Variants in FGF12 observed in about 807,000 individuals in gnomAD.
FGF12 encodes the protein fibroblast growth factor 12, also known as fibroblast growth factor 12B.
Under a neutral mutation model 23.6 loss-of-function variants are expected in FGF12, and 14 were observed. The ratio of observed to expected loss-of-function variants is 0.59; its 90% CI spans 0.39 to 0.93. The LOEUF (loss-of-function observed/expected upper bound fraction) is 0.93, where lower values mean the gene tolerates loss of function less well. FGF12 is among the 40% of genes least tolerant of loss of function. FGF12 has a pLI of 0.00. For synonymous variants in FGF12, 62 were observed against 77.3 expected (o/e 0.80, Z 1.04); for missense variants, 175 against 217.8 (o/e 0.80, Z 1.24).
chr3:192,317,000 A>T (rs2108678294), intron 4 of FGF12, among the ~76,000 whole-genome samples: 1 of 152,132 alleles, frequency 6.6e-6, no homozygotes, highest in African/African-American at 2.4e-5. Context: ...CCAGAAAGGA[A>T]CCCAATGCCT....
intron 2 of FGF12, among the ~76,000 whole-genome samples, chr3:192,696,339 A>G (rs1718123352): frequency 6.6e-6 from 1 of 152,098 alleles, no homozygotes; most frequent in Non-Finnish European, 1.5e-5. Flanking sequence ...AGCAATTCTT[A>G]TCAGATTCAC....
chr3:192,416,387 G>A (rs181620361), intron 2 of FGF12, among the ~76,000 whole-genome samples: 61 of 152,226 alleles, frequency 4.0e-4, no homozygotes, highest in Middle Eastern at 3.4e-3. Flanking sequence ...AAGCTACTTC[G>A]TCTGCCTGAG....
intron 2 of FGF12, among the ~76,000 whole-genome samples, chr3:192,668,214 C>T (rs143784278): frequency 1.2e-3 from 189 of 151,322 alleles, no homozygotes; most frequent in Admixed American, 2.6e-3. Flanking sequence ...AAAGATGCAA[C>T]AAAATAAGTT....
At chr3:192,261,524 T>A (rs1442905819) in intron 4 of FGF12, among the ~76,000 whole-genome samples, 1 of 152,198 alleles carries the variant, frequency 6.6e-6, no homozygotes, top group Non-Finnish European at 1.5e-5. Flanking sequence ...TCCATTCTAA[T>A]TACTGAATTG....
chr3:192,620,283 T>C (rs556071890), intron 2 of FGF12, among the ~76,000 whole-genome samples: 46 of 151,622 alleles, frequency 3.0e-4, no homozygotes, highest in Non-Finnish European at 6.2e-4. Context: ...CACTCAAACC[T>C]GAAAAATATT....
At chr3:192,703,057 T>C (rs771691804) in intron 2 of FGF12, among the ~76,000 whole-genome samples, 1 of 152,228 alleles carries the variant, frequency 6.6e-6, no homozygotes, top group Non-Finnish European at 1.5e-5. Context: ...GAAACACTTA[T>C]AATCTATAAA....
chr3:192,527,829 G>A (rs7631776), intron 2 of FGF12, among the ~76,000 whole-genome samples: 135,392 of 152,212 alleles, frequency 0.89, 60,201 homozygotes, highest in African/African-American at 0.9. Flanking sequence ...TGAAAGGCAT[G>A]TCTCACATGG....
At chr3:192,382,339 G>T (rs987925794) in intron 2 of FGF12, among the ~76,000 whole-genome samples, 7 of 152,022 alleles carry the variant, frequency 4.6e-5, no homozygotes, top group African/African-American at 1.5e-4. Context: ...CAAATGCTAT[G>T]CTATAGTCCA....
At chr3:192,211,447 C>T (rs529445840) in intron 4 of FGF12, among the ~76,000 whole-genome samples, 9 of 152,080 alleles carry the variant, frequency 5.9e-5, no homozygotes, top group East Asian at 1.9e-4. Flanking sequence ...TTTTTTGAGA[C>T]GGACCCTCGC....
intron 2 of FGF12, among the ~76,000 whole-genome samples, chr3:192,397,182 T>A (rs1720560453): frequency 6.6e-6 from 1 of 152,182 alleles, no homozygotes; most frequent in African/African-American, 2.4e-5. Flanking sequence ...GTAGATAGAA[T>A]GCCTGGGAAA....
intron 2 of FGF12, among the ~76,000 whole-genome samples, chr3:192,640,690 T>C (rs944806483): frequency 1.3e-5 from 2 of 152,248 alleles, no homozygotes; most frequent in African/African-American, 2.4e-5. Context: ...AGTTCATTTT[T>C]CTATATACAA....
chr3:192,726,725 T>C (rs1164224637), intron 2 of FGF12, among the ~76,000 whole-genome samples: 2 of 152,122 alleles, frequency 1.3e-5, no homozygotes, highest in African/African-American at 4.8e-5. Context: ...CACCCAGAAA[T>C]ACCATCTTCA....
At chr3:192,725,953 A>G (rs1719200740) in intron 2 of FGF12, among the ~76,000 whole-genome samples, 1 of 152,242 alleles carries the variant, frequency 6.6e-6, no homozygotes, top group Non-Finnish European at 1.5e-5. Context: ...ATGTATCATA[A>G]GAATAATCTG....
At chr3:192,452,833 C>T (rs1722567316) in intron 2 of FGF12, among the ~76,000 whole-genome samples, 1 of 152,200 alleles carries the variant, frequency 6.6e-6, no homozygotes, top group Admixed American at 6.5e-5. Flanking sequence ...TCTTTTCTCT[C>T]TAGCTGCTCC....
intron 2 of FGF12, among the ~76,000 whole-genome samples, chr3:192,493,228 T>C (rs1473663731): frequency 1.3e-5 from 2 of 152,084 alleles, no homozygotes; most frequent in African/African-American, 2.4e-5. Flanking sequence ...AACCTCAGCT[T>C]GCTCATCTGT....
At chr3:192,458,689 T>A (rs1402464940) in intron 2 of FGF12, among the ~76,000 whole-genome samples, 17 of 152,264 alleles carry the variant, frequency 1.1e-4, no homozygotes, top group Admixed American at 9.8e-4. Context: ...AGATAAGACT[T>A]TGGACTGTGG....
intron 4 of FGF12, among the ~76,000 whole-genome samples, chr3:192,212,390 T>C (rs941659885): frequency 2.0e-5 from 3 of 151,924 alleles, no homozygotes; most frequent in Non-Finnish European, 4.4e-5. Flanking sequence ...TTCAGGCAGT[T>C]AGTTTCAGGA....
chr3:192,682,373 G>C (rs959443901), intron 2 of FGF12, among the ~76,000 whole-genome samples: 7 of 152,228 alleles, frequency 4.6e-5, no homozygotes, highest in Non-Finnish European at 7.4e-5. Flanking sequence ...CTGAGGTCTT[G>C]AGATAAGAAA....
intron 2 of FGF12, among the ~76,000 whole-genome samples, chr3:192,655,129 C>T (rs1270199430): frequency 1.3e-5 from 2 of 152,006 alleles, no homozygotes; most frequent in African/African-American, 2.4e-5. Flanking sequence ...TATAAAACAT[C>T]GATGACATAA....
Sources: allele counts gnomAD v4.1 joint callset (sites outside exome capture counted in the v4.1 genomes callset), GRCh38; gene constraint gnomAD v4.1.1; transcripts MANE v1.5; gene names NCBI Gene and HGNC (gene_info 2026-07-23, HGNC 2026-07-21).